DGKD: variants seen among roughly 807,000 people sequenced by gnomAD.
DGKD encodes DAG kinase delta.
Under a neutral mutation model 154.4 loss-of-function variants are expected in DGKD, and 68 were observed. That is an observed-to-expected ratio of 0.44 (90% CI 0.36 to 0.54). The LOEUF (loss-of-function observed/expected upper bound fraction) is 0.54. Among genes scored for constraint, DGKD ranks in the 20% least tolerant of loss-of-function variants. DGKD has a pLI of 0.00. For missense variants in DGKD, 1,343 were observed against 1,593.6 expected (o/e 0.84, Z 2.68); for synonymous variants, 693 against 638.0 (o/e 1.09, Z -1.30).
intron 1 of DGKD, among the ~76,000 whole-genome samples, chr2:233,355,754 C>T (rs1253741422): frequency 1.3e-5 from 2 of 152,186 alleles, no homozygotes; most frequent in Non-Finnish European, 2.9e-5. Flanking sequence ...ATAATGATAG[C>T]AATAGCAAAT....
rs114445736 is a variant in DGKD at position 233,448,863 on chromosome 2, C to G, written c.1615-240C>G. On this transcript the variant is annotated intron_variant, in intron 14 of 29. Transcript: ENST00000264057. ...TTTCTATGCAGACTAAGACTCAGCT[C>G]GCAATCAGTATGGTTGGTTGTGGAC... 4.5e-3 allele frequency among the ~76,000 whole-genome samples: 687 copies of G among 152,324 alleles called. 9 individuals are homozygous for G. The highest frequency in any genetic ancestry group is 0.016 in the African/African-American group (647 of 41,576).
chr2:233,370,567 CTTCTTTTTTTT>C (rs1702262978), intron 1 of DGKD, among the ~76,000 whole-genome samples: 1 of 114,332 alleles, frequency 8.7e-6, no homozygotes, highest in Non-Finnish European at 1.8e-5. Flanking sequence ...TTCAGAACTT[CTTCTTTTTTTT>C]TTTTTTTTTT....
intron 2 of DGKD, 113 bp downstream of exon 2, chr2:233,388,480 AT>A (rs1484094663): frequency 4.0e-5 from 41 of 1,017,088 alleles, no homozygotes; most frequent in Non-Finnish European, 5.7e-5. Flanking sequence ...CAGATCTGTT[AT>A]TGCCAGTGAG....
At chr2:233,400,080 C>T (rs1364766761) in intron 3 of DGKD, among the ~76,000 whole-genome samples, 1 of 152,216 alleles carries the variant, frequency 6.6e-6, no homozygotes, top group Admixed American at 6.5e-5. Flanking sequence ...AGTTTCTTCT[C>T]CTCACTGAGA....
At chr2:233,411,672 G>A (rs138411699) in intron 3 of DGKD, among the ~76,000 whole-genome samples, 41 of 152,142 alleles carry the variant, frequency 2.7e-4, no homozygotes, top group African/African-American at 9.4e-4. Context: ...TTTCTTTTTG[G>A]TGAAATTCAA....
chr2:233,397,158 C>T lies in DGKD; in HGVS notation c.348+6675C>T, dbSNP rs866448290. Among the ~76,000 whole-genome samples the T allele has an allele frequency of 1.3e-3, 37 of 28,668 alleles. 1 individual carries two copies. Among genetic ancestry groups the T allele is most frequent in the Non-Finnish European group, 1.8e-3 (29 of 16,480 alleles). 18.8% of individuals were successfully genotyped at this position (28,668 alleles called of 152,430 possible). A position where few individuals can be genotyped will look rare whatever the true frequency, so the allele number is the denominator to read the frequency against. ...ACACCAGAGGGGACCAGGGTGGCTG[C>T]GGGGGGGGCCAGAGTGAGAGGACTC... On this transcript the variant is annotated intron_variant, in intron 3 of 29. Coordinates refer to ENST00000264057, the MANE Select transcript of DGKD (RefSeq NM_152879.3).
intron 1 of DGKD, among the ~76,000 whole-genome samples, chr2:233,376,383 A>G (rs72978394): frequency 1.3e-4 from 20 of 152,266 alleles, no homozygotes; most frequent in Non-Finnish European, 2.4e-4. Context: ...GTAGATGTCT[A>G]TGTCCTCTCT....
chr2:233,462,587 C>T, intron 25 of DGKD, 56 bp from the exon 26 acceptor site: 1 of 1,576,786 alleles, frequency 6.3e-7, no homozygotes, highest in Non-Finnish European at 8.7e-7. Flanking sequence ...TTCCCTGCCC[C>T]TAACCGTGCA....
chr2:233,383,347 A>G (rs565171808), intron 1 of DGKD, among the ~76,000 whole-genome samples: 1 of 152,002 alleles, frequency 6.6e-6, no homozygotes, highest in African/African-American at 2.4e-5. Context: ...AGCCCGTTCC[A>G]TGGGAGTTTC....
Position 233,438,415 on chromosome 2 carries a change from T to G in DGKD, c.1085+36T>G. The stretch of plus-strand genomic sequence containing the variant: ...TGTAAAATATATCTTTCTTGGAGTT[T>G]TAAAAATTGTGTAGATAGTGTGTGC... On this transcript the variant is annotated intron_variant, in intron 9 of 29. Coordinates refer to ENST00000264057, the MANE Select transcript of DGKD (RefSeq NM_152879.3). The surrounding 1 kb of genome is among the most constrained non-coding windows in gnomAD (Gnocchi z 4.1). 1 of 1,573,798 alleles carries G rather than the reference T, an allele frequency of 6.4e-7. No individual in the cohort carries two copies. Among genetic ancestry groups the G allele is most frequent in the Non-Finnish European group, 8.6e-7 (1 of 1,158,392 alleles).
At chr2:233,447,763 G>A (rs912069409) in intron 12 of DGKD, 20 of 1,109,788 alleles carry the variant, frequency 1.8e-5, no homozygotes, top group Middle Eastern at 4.1e-4. Flanking sequence ...GAGCCGACCC[G>A]CCAGCATGCC....
At chr2:233,368,433 A>G (rs1391864103) in intron 1 of DGKD, among the ~76,000 whole-genome samples, 2 of 152,090 alleles carry the variant, frequency 1.3e-5, no homozygotes, top group African/African-American at 4.8e-5. Context: ...AATCGCATGA[A>G]CCCAGGAGGA....
intron 1 of DGKD, among the ~76,000 whole-genome samples, chr2:233,359,313 C>G (rs1243301289): frequency 6.6e-6 from 1 of 152,138 alleles, no homozygotes; most frequent in Non-Finnish European, 1.5e-5. Flanking sequence ...ACTCTGTGTT[C>G]CTGAGTCTCA....
At position 233,467,077 on chromosome 2, in the gene DGKD, C is replaced by T. The variant is rs2063845783; in HGVS notation, c.3307-9C>T. The T allele has an allele frequency of 3.1e-6, 5 of 1,606,050 alleles. No individual in the cohort carries two copies. In the South Asian group the frequency reaches 5.5e-5, roughly 18 times the overall value. ...CCTGATTCTCAGTATTCCTCATTCT[C>T]CCCAACAGAGTGTGATGCTGGATCT... On this transcript the variant is annotated splice_polypyrimidine_tract_variant and intron_variant, in intron 27 of 29. Transcript: ENST00000264057.
intron 3 of DGKD, among the ~76,000 whole-genome samples, chr2:233,418,396 C>G (rs2062016113): frequency 6.6e-6 from 1 of 152,202 alleles, no homozygotes; most frequent in African/African-American, 2.4e-5. Context: ...CTCTAGTTTT[C>G]TCACAGTTGA....
At chr2:233,413,124 G>A (rs1046536907) in intron 3 of DGKD, among the ~76,000 whole-genome samples, 2 of 152,174 alleles carry the variant, frequency 1.3e-5, no homozygotes, top group African/African-American at 4.8e-5. Context: ...CAGGCCAGAT[G>A]TGGTGGCTCA....
At chr2:233,356,436 T>G (rs1225793732) in intron 1 of DGKD, among the ~76,000 whole-genome samples, 2 of 152,164 alleles carry the variant, frequency 1.3e-5, no homozygotes, top group African/African-American at 4.8e-5. Context: ...TAGCCCTAAA[T>G]GATACTGATA....
At chr2:233,464,139 C>G in intron 26 of DGKD, 25 bp from the exon 27 acceptor site, 1 of 1,613,038 alleles carries the variant, frequency 6.2e-7, no homozygotes. Context: ...CTCCATTTCT[C>G]TCTCCCTCCC....
chr2:233,468,944 C>T (rs980134277), intron 29 of DGKD, among the ~76,000 whole-genome samples: 4 of 152,238 alleles, frequency 2.6e-5, no homozygotes, highest in Non-Finnish European at 4.4e-5. Context: ...TGCCAGGCCT[C>T]GGTCTATGCC....
Sources: gnomAD v4.1 joint callset for allele counts (sites outside exome capture counted in the v4.1 genomes callset) on GRCh38, gnomAD v4.1.1 for gene constraint, Gnocchi (gnomAD v3.1) non-coding constraint, MANE v1.5 for transcripts, NCBI Gene and HGNC (gene_info 2026-07-23, HGNC 2026-07-21) for gene names.